The following HMBOX1 variants were observed in gnomAD, a reference collection of about 807,000 sequenced individuals.
The protein encoded by HMBOX1 is homeobox-containing protein 1.
A neutral mutation model predicts 54.5 loss-of-function variants in HMBOX1; 14 were observed. The observed-to-expected ratio is 0.26, with a 90% confidence interval of 0.17 to 0.40. The LOEUF (loss-of-function observed/expected upper bound fraction) is 0.40, where lower values mean the gene tolerates loss of function less well. Among genes scored for constraint, HMBOX1 ranks in the 10% least tolerant of loss-of-function variants. The probability of loss-of-function intolerance (pLI) is 1.00; values close to 1 mark genes in which losing one functional copy is unlikely to be tolerated. For missense variants in HMBOX1, 332 were observed against 514.4 expected (o/e 0.65, Z 3.43); for synonymous variants, 160 against 181.0 (o/e 0.88, Z 0.93).
chr8:28,903,264 G>GATC (rs1383710953), intron 1 of HMBOX1, among the ~76,000 whole-genome samples: 1 of 152,246 alleles, frequency 6.6e-6, no homozygotes, highest in Non-Finnish European at 1.5e-5. Context: ...TTTGTGAGGG[G>GATC]ATCAGGGAGG....
At chr8:28,997,773 A>T (rs901717301) in intron 4 of HMBOX1, among the ~76,000 whole-genome samples, 1 of 151,286 alleles carries the variant, frequency 6.6e-6, no homozygotes, top group African/African-American at 2.4e-5. Context: ...CTGGTCTTGA[A>T]CTCCTAGCCT....
At chr8:28,902,556 A>G (rs1813432910) in intron 1 of HMBOX1, among the ~76,000 whole-genome samples, 1 of 152,120 alleles carries the variant, frequency 6.6e-6, no homozygotes, top group South Asian at 2.1e-4. Context: ...CATTATGGGG[A>G]AAACATAATG....
Position 29,009,114 on chromosome 8 carries a change from G to T in HMBOX1, c.629G>T (p.Gly210Val). The T allele has an allele frequency of 6.2e-7, 1 of 1,613,680 alleles. No individual in the cohort carries two copies. ...ATCTCTCATTGGCTGTTGCAGCAGG[G>T]ATCAGACCTGAGTGAACAGAAGAAA... ...SRISHWLLQQ[G>V]SDLSEQKKRA... The change falls in exon 5 of 10, where the codon GGA becomes GTA. Residue 210 changes from glycine (G) to valine (V), a missense_variant. This residue lies in a region of HMBOX1 where 117 missense variants were observed against 220.0 expected (regional missense o/e 0.53). Coordinates refer to ENST00000287701, the MANE Select transcript of HMBOX1 (RefSeq NM_001135726.3).
At chr8:28,934,090 A>G (rs1312358672) in intron 1 of HMBOX1, among the ~76,000 whole-genome samples, 2 of 152,190 alleles carry the variant, frequency 1.3e-5, no homozygotes, top group African/African-American at 4.8e-5. Flanking sequence ...AAAATAACAA[A>G]TTGAATCCAG....
At chr8:28,949,298 C>T (rs1255097813) in intron 1 of HMBOX1, among the ~76,000 whole-genome samples, 3 of 152,096 alleles carry the variant, frequency 2.0e-5, no homozygotes, top group Non-Finnish European at 2.9e-5. Flanking sequence ...TTTTTAGCTA[C>T]CTTGGTGGAG....
rs1266812384 is a variant in HMBOX1, at chr8:29,049,183, CTA to C, written c.1125+136_1125+137del. On this transcript the variant is annotated intron_variant, in intron 9 of 9. Coordinates refer to ENST00000287701, the MANE Select transcript of HMBOX1 (RefSeq NM_001135726.3). Reference sequence around the variant, plus strand: ...CTGTCCCTCCACTCTGCTCCTGTGTCTAGTTAGATTTCATGTAATTTGAAAGG... The same window carrying C: ...CTGTCCCTCCACTCTGCTCCTGTGTCGTTAGATTTCATGTAATTTGAAAGG... 2.0e-6 allele frequency: 3 copies of C among 1,495,366 alleles called. No individual in the cohort carries two copies. The African/African-American group carries it at 4.1e-5, about 21-fold the overall frequency. The allele number at this position is 1,495,366 out of a possible 1,614,324, so 92.6% of individuals were successfully genotyped here. A position where few individuals can be genotyped will look rare whatever the true frequency, so the allele number is the denominator to read the frequency against.
chr8:28,928,024 A>C (rs1818852576), intron 1 of HMBOX1, among the ~76,000 whole-genome samples: 1 of 151,762 alleles, frequency 6.6e-6, no homozygotes. Context: ...AGTCCCAGCT[A>C]CTTGGGAGGC....
At chr8:28,945,997 G>T (rs1174740581) in intron 1 of HMBOX1, among the ~76,000 whole-genome samples, 1 of 147,744 alleles carries the variant, frequency 6.8e-6, no homozygotes, top group African/African-American at 2.5e-5. Context: ...CTGTCACCCA[G>T]GCTGGAGTGC....
In HMBOX1 at chr8:28,992,869, CAAAAAAA is replaced by C. The variant is rs34488854; in HGVS notation, c.586+12732_586+12738del. On this transcript the variant is annotated intron_variant, in intron 4 of 9. Coordinates refer to ENST00000287701, the MANE Select transcript of HMBOX1 (RefSeq NM_001135726.3). ...TGGGTGACAGTGCGAGACTCTGTCT[CAAAAAAA>C]AAAAAAAAAAAAAAAAAAGGAAGAA... is the stretch of plus-strand genomic sequence containing the variant. 3.5e-4 allele frequency among the ~76,000 whole-genome samples: 20 copies of C among 57,252 alleles called. 1 individual carries two copies. The Middle Eastern group carries it at 0.05, about 143-fold the overall frequency. 37.6% of individuals were successfully genotyped at this position (57,252 alleles called of 152,430 possible). A position where few individuals can be genotyped will look rare whatever the true frequency, so the allele number is the denominator to read the frequency against.
chr8:29,026,057 C>T (rs1231125361), intron 6 of HMBOX1, among the ~76,000 whole-genome samples: 1 of 150,770 alleles, frequency 6.6e-6, no homozygotes, highest in South Asian at 2.1e-4. Flanking sequence ...CACACACACA[C>T]ACACACACAC....
chr8:28,976,994 C>T (rs964290389), intron 3 of HMBOX1, among the ~76,000 whole-genome samples: 16 of 152,128 alleles, frequency 1.1e-4, no homozygotes, highest in Admixed American at 2.0e-4. Context: ...CAGGCGTGAC[C>T]CACCGTGCCT....
At chr8:29,010,926 A>G (rs1055591830) in intron 5 of HMBOX1, among the ~76,000 whole-genome samples, 12 of 152,064 alleles carry the variant, frequency 7.9e-5, no homozygotes, top group African/African-American at 2.7e-4. Context: ...GGATTTTTCT[A>G]TTTACTTTTA....
chr8:28,997,161 G>A (rs1454904516), intron 4 of HMBOX1, among the ~76,000 whole-genome samples: 1 of 152,176 alleles, frequency 6.6e-6, no homozygotes, highest in Admixed American at 6.5e-5. Flanking sequence ...AGTGGCAAGA[G>A]CAAACATCCT....
At chr8:28,946,191 G>A (rs757493645) in intron 1 of HMBOX1, among the ~76,000 whole-genome samples, 8 of 151,978 alleles carry the variant, frequency 5.3e-5, no homozygotes, top group Non-Finnish European at 1.0e-4. Context: ...GACCTCAGGT[G>A]ATCCACCCGC....
chr8:29,024,510 A>T lies in HMBOX1; in HGVS notation c.851+5597A>T, dbSNP rs571305220. On this transcript the variant is annotated intron_variant, in intron 6 of 9. Coordinates refer to ENST00000287701, the MANE Select transcript of HMBOX1 (RefSeq NM_001135726.3). ...TGGATAATGGACAAGAAATCAATCAAGTATGTATTTTAACACATACTACAT... is the reference window on the plus strand; with the variant it reads ...TGGATAATGGACAAGAAATCAATCATGTATGTATTTTAACACATACTACAT... Among the ~76,000 whole-genome samples the T allele has an allele frequency of 3.9e-5, 6 of 152,292 alleles. No homozygotes were observed. In the South Asian group the frequency reaches 8.3e-4, roughly 21 times the overall value.
intron 4 of HMBOX1, among the ~76,000 whole-genome samples, chr8:29,000,250 C>G (rs936376640): frequency 6.6e-6 from 1 of 152,168 alleles, no homozygotes; most frequent in African/African-American, 2.4e-5. Flanking sequence ...ACCTTTAATG[C>G]TCAGACAGGC....
chr8:29,026,434 C>A (rs955457980), intron 6 of HMBOX1, among the ~76,000 whole-genome samples: 2 of 152,030 alleles, frequency 1.3e-5, no homozygotes, highest in Non-Finnish European at 2.9e-5. Context: ...TTTGTAAAAT[C>A]AGTTGTGGAG....
intron 4 of HMBOX1, among the ~76,000 whole-genome samples, chr8:29,003,570 A>ATATATATATATATATATATATG (rs1280576527): frequency 7.2e-6 from 1 of 138,290 alleles, no homozygotes; most frequent in Non-Finnish European, 1.6e-5. Flanking sequence ...ATATATATAT[A>ATATATATATATATATATATATG]TATATATGAA....
At chr8:29,008,423 G>A (rs981204126) in intron 4 of HMBOX1, among the ~76,000 whole-genome samples, 1 of 152,122 alleles carries the variant, frequency 6.6e-6, no homozygotes, top group Non-Finnish European at 1.5e-5. Flanking sequence ...GAAAGCTTGT[G>A]TTGGAAAAAT....
Sources: allele counts gnomAD v4.1 joint callset (sites outside exome capture counted in the v4.1 genomes callset), GRCh38; gene constraint gnomAD v4.1.1; regional missense constraint gnomAD v4.1.1; transcripts MANE v1.5; gene names NCBI Gene and HGNC (gene_info 2026-07-23, HGNC 2026-07-21).